The following WDR70 variants were observed in gnomAD, a reference collection of about 807,000 sequenced individuals.
WDR70 encodes the protein WD repeat-containing protein 70.
Under a neutral mutation model 88.6 loss-of-function variants are expected in WDR70, and 53 were observed. The ratio of observed to expected loss-of-function variants is 0.60; its 90% CI spans 0.48 to 0.75. The LOEUF (loss-of-function observed/expected upper bound fraction) is 0.75. Among genes scored for constraint, WDR70 ranks in the 30% least tolerant of loss-of-function variants. The pLI, the probability that WDR70 is intolerant of heterozygous loss-of-function variation, is 0.00. For synonymous variants in WDR70, 280 were observed against 270.0 expected, an observed-to-expected ratio of 1.04 and a Z score of -0.36; for missense variants, 610 against 823.2, an observed-to-expected ratio of 0.74 and a Z score of 3.17.
intron 10 of WDR70, among the ~76,000 whole-genome samples, chr5:37,666,064 A>G (rs1392500437): frequency 6.6e-6 from 1 of 152,218 alleles, no homozygotes; most frequent in Non-Finnish European, 1.5e-5. Context: ...CTCTCTTTGA[A>G]GGTCGGCTGC....
chr5:37,650,531 A>C (rs1220915237), intron 10 of WDR70, among the ~76,000 whole-genome samples: 1 of 152,234 alleles, frequency 6.6e-6, no homozygotes, highest in Non-Finnish European at 1.5e-5. Context: ...AAAAATAGGA[A>C]GTCAAGACTG....
intron 10 of WDR70, among the ~76,000 whole-genome samples, chr5:37,636,369 G>A (rs759912019): frequency 6.6e-6 from 1 of 152,178 alleles, no homozygotes; most frequent in African/African-American, 2.4e-5. Context: ...AAATCACCAT[G>A]AGGCAGATAC....
intron 8 of WDR70, among the ~76,000 whole-genome samples, chr5:37,515,279 C>T (rs374025168): frequency 6.6e-5 from 10 of 152,248 alleles, no homozygotes; most frequent in South Asian, 4.1e-4. Flanking sequence ...ACAACTCTCA[C>T]GTTTTTAGCT....
At position 37,752,511 on chromosome 5, in the gene WDR70, C is replaced by T. The variant is rs1209778766; in HGVS notation, c.1903C>T (p.Gln635Ter). ...GACTCAGCCCAAAACCATGTTTGCCCAAGTTGAATCTGATGATGAGGAAGC... is the reference window on the plus strand; with the variant it reads ...GACTCAGCCCAAAACCATGTTTGCCTAAGTTGAATCTGATGATGAGGAAGC... ...SKTQPKTMFAQVESDDEEAKN... is the reference protein window; with the variant it reads ...SKTQPKTMFA The change falls in exon 18 of 18, where the codon CAA becomes TAA. Residue 635 changes from glutamine to a stop codon, truncating the protein, a stop_gained. Coordinates refer to ENST00000265107, the MANE Select transcript of WDR70 (RefSeq NM_018034.4). LOFTEE classifies it high-confidence loss of function. 2 of 1,611,920 alleles carry T rather than the reference C, an allele frequency of 1.2e-6. No individual in the cohort carries two copies.
chr5:37,710,635 C>G (rs2112676923), intron 13 of WDR70, among the ~76,000 whole-genome samples: 1 of 151,664 alleles, frequency 6.6e-6, no homozygotes, highest in South Asian at 2.1e-4. Context: ...ATAAAAAATG[C>G]AAAAAATCTA....
At chr5:37,410,838 A>G (rs1246834927) in intron 5 of WDR70, among the ~76,000 whole-genome samples, 1 of 152,254 alleles carries the variant, frequency 6.6e-6, no homozygotes, top group African/African-American at 2.4e-5. Context: ...AAATGTGAGC[A>G]TAGAACTGTA....
chr5:37,560,693 A>G (rs1390405995), intron 9 of WDR70, among the ~76,000 whole-genome samples: 1 of 152,192 alleles, frequency 6.6e-6, no homozygotes, highest in African/African-American at 2.4e-5. Context: ...CCTCTTTGTT[A>G]GCAGCTAGAA....
intron 8 of WDR70, among the ~76,000 whole-genome samples, chr5:37,493,488 C>A (rs1230494734): frequency 6.6e-6 from 1 of 152,184 alleles, no homozygotes; most frequent in East Asian, 1.9e-4. Flanking sequence ...CCACAAGGAA[C>A]TTGTATTGTG....
chr5:37,699,495 G>A lies in WDR70; in HGVS notation c.1193-1563G>A, dbSNP rs565960042. On this transcript the variant is annotated intron_variant, in intron 11 of 17. Coordinates refer to ENST00000265107, the MANE Select transcript of WDR70 (RefSeq NM_018034.4). The stretch of plus-strand genomic sequence containing the variant: ...TATTCCATCGTTTTCCTTCCTGGAT[G>A]TATACAATATGGCAGATGGAAGTCT... Among the ~76,000 whole-genome samples the A allele has an allele frequency of 4.4e-4, 67 of 151,950 alleles. 1 individual carries two copies. The highest frequency in any genetic ancestry group is 1.5e-3 in the African/African-American group (64 of 41,436).
intron 10 of WDR70, among the ~76,000 whole-genome samples, chr5:37,658,239 A>G (rs1034250746): frequency 1.3e-5 from 2 of 152,064 alleles, no homozygotes; most frequent in Admixed American, 6.6e-5. Context: ...CAAAGTCTGC[A>G]TATAAGTAGA....
chr5:37,604,625 CTTTTAATGACTTATT>C (rs1451432734), intron 9 of WDR70, among the ~76,000 whole-genome samples: 2 of 152,162 alleles, frequency 1.3e-5, no homozygotes, highest in East Asian at 3.9e-4. Context: ...GGATGTTATT[CTTTTAATGACTTATT>C]TTTCAGTGTG....
At chr5:37,502,382 T>C (rs77364314) in intron 8 of WDR70, among the ~76,000 whole-genome samples, 4,530 of 152,272 alleles carry the variant, frequency 0.03, 120 homozygotes, top group Admixed American at 0.07. Flanking sequence ...GGGGATTCTT[T>C]TCAACTTTTC....
At chr5:37,679,752 G>T (rs1171940539) in intron 10 of WDR70, among the ~76,000 whole-genome samples, 2 of 152,206 alleles carry the variant, frequency 1.3e-5, no homozygotes, top group Non-Finnish European at 2.9e-5. Context: ...AGAACCACTG[G>T]TCTCTTCAGA....
At chr5:37,710,298 T>C (rs1273758939) in intron 13 of WDR70, among the ~76,000 whole-genome samples, 1 of 152,080 alleles carries the variant, frequency 6.6e-6, no homozygotes, top group African/African-American at 2.4e-5. Context: ...ATCAACACAA[T>C]CAGTATACAG....
At chr5:37,473,031 CTTGACCATAT>C (rs1165877717) in intron 7 of WDR70, among the ~76,000 whole-genome samples, 1 of 151,920 alleles carries the variant, frequency 6.6e-6, no homozygotes, top group Non-Finnish European at 1.5e-5. Flanking sequence ...GCTCCACATT[CTTGACCATAT>C]TTGATATGGT....
chr5:37,682,751 C>T (rs542747916), intron 10 of WDR70, among the ~76,000 whole-genome samples: 1 of 152,094 alleles, frequency 6.6e-6, no homozygotes, highest in South Asian at 2.1e-4. Flanking sequence ...TTTTCTTGGT[C>T]TTGATTCCTA....
In WDR70 at chr5:37,697,651, A is replaced by T. The variant is rs897126658; in HGVS notation, c.1093-4A>T. 1.2e-6 allele frequency: 2 copies of T among 1,613,102 alleles called. No individual in the cohort carries two copies. Among genetic ancestry groups the T allele is most frequent in the African/African-American group, 1.3e-5 (1 of 75,004 alleles). On this transcript the variant is annotated splice_polypyrimidine_tract_variant and splice_region_variant and intron_variant, in intron 10 of 17. Transcript: ENST00000265107. Reference sequence around the variant, plus strand: ...ATTAACACTTTGTTTGTCTTTGTGAATAGGTTCATCCTAAGTTCCACTATA... The same window carrying T: ...ATTAACACTTTGTTTGTCTTTGTGATTAGGTTCATCCTAAGTTCCACTATA...
intron 9 of WDR70, among the ~76,000 whole-genome samples, chr5:37,553,079 TTTTC>T (rs1184824737): frequency 2.0e-5 from 3 of 152,206 alleles, no homozygotes; most frequent in African/African-American, 7.2e-5. Context: ...TTTCTGGATC[TTTTC>T]TTACTTCAAA....
At chr5:37,414,351 C>T (rs1040527081) in intron 5 of WDR70, among the ~76,000 whole-genome samples, 3 of 151,946 alleles carry the variant, frequency 2.0e-5, no homozygotes, top group African/African-American at 7.2e-5. Context: ...TTCTTATTCC[C>T]GCATGGAAAC....
Sources: gnomAD v4.1 joint callset for allele counts (sites outside exome capture counted in the v4.1 genomes callset) on GRCh38, gnomAD v4.1.1 for gene constraint, MANE v1.5 for transcripts, NCBI Gene and HGNC (gene_info 2026-07-23, HGNC 2026-07-21) for gene names.